Variants in MCC observed in about 807,000 individuals in gnomAD.
The protein encoded by MCC is colorectal mutant cancer protein.
Under a neutral mutation model 116.2 loss-of-function variants are expected in MCC, and 90 were observed. The ratio of observed to expected loss-of-function variants is 0.77; its 90% CI spans 0.65 to 0.92. The LOEUF is 0.92. Ranked by LOEUF, MCC falls within the 40% of genes least tolerant of loss-of-function variation. The probability of loss-of-function intolerance (pLI) is 0.00; values close to 1 mark genes in which losing one functional copy is unlikely to be tolerated. For missense variants in MCC, 1,516 were observed against 1,312.2 expected (o/e 1.16, Z -2.40); for synonymous variants, 578 against 510.5 (o/e 1.13, Z -1.78).
intron 6 of MCC, among the ~76,000 whole-genome samples, chr5:113,105,287 C>T (rs1447748329): frequency 6.6e-6 from 1 of 152,212 alleles, no homozygotes; most frequent in East Asian, 1.9e-4. Flanking sequence ...TTCTCTCCTG[C>T]ATGCTTCTCA....
chr5:113,485,687 A>T (rs1213689749), intron 1 of MCC, among the ~76,000 whole-genome samples: 1 of 152,166 alleles, frequency 6.6e-6, no homozygotes, highest in Non-Finnish European at 1.5e-5. Flanking sequence ...GTAGCTGGGG[A>T]CTGACACCAC....
chr5:113,027,676 C>G (rs1008000992), intron 18 of MCC, among the ~76,000 whole-genome samples, 194 bp from the exon 19 acceptor site: 2 of 151,738 alleles, frequency 1.3e-5, no homozygotes, highest in Non-Finnish European at 2.9e-5. Flanking sequence ...CGGCCAGTCA[C>G]CTACTGGCTT....
intron 6 of MCC, among the ~76,000 whole-genome samples, chr5:113,121,014 G>A (rs1191716298): frequency 6.6e-6 from 1 of 152,140 alleles, no homozygotes; most frequent in African/African-American, 2.4e-5. Context: ...TGCCCTATTG[G>A]CGAATGGCCC....
At chr5:113,205,819 A>C (rs1762891113) in intron 3 of MCC, among the ~76,000 whole-genome samples, 1 of 152,226 alleles carries the variant, frequency 6.6e-6, no homozygotes, top group East Asian at 1.9e-4. Flanking sequence ...CTCCCAAGTA[A>C]GATGACTGAA....
intron 3 of MCC, among the ~76,000 whole-genome samples, chr5:113,155,289 T>C (rs192608269): frequency 6.6e-6 from 1 of 152,370 alleles, no homozygotes; most frequent in Admixed American, 6.5e-5. Context: ...CATCTGCTGA[T>C]GCACACTTAG....
At chr5:113,347,054 C>A (rs1036490342) in intron 2 of MCC, among the ~76,000 whole-genome samples, 1 of 151,942 alleles carries the variant, frequency 6.6e-6, no homozygotes, top group Non-Finnish European at 1.5e-5. Flanking sequence ...GGGATTTCAT[C>A]AACATCAGAC....
In MCC at chr5:113,465,107, G is replaced by T. The variant is rs562571973; in HGVS notation, c.170+23138C>A. Among the ~76,000 whole-genome samples, 316 of 146,126 alleles carry T rather than the reference G, an allele frequency of 2.2e-3. 1 individual carries two copies. In the Middle Eastern group the frequency reaches 0.024, roughly 11 times the overall value. ...GAAAATAGCCAAGATTTTTTTTTTT[G>T]TGGGGCGGAGGGAGACAATGAGGAA... On this transcript the variant is annotated intron_variant, in intron 1 of 18. Coordinates refer to ENST00000408903, the MANE Select transcript of MCC (RefSeq NM_001085377.2).
chr5:113,294,590 C>T, intron 3 of MCC: 1 of 1,240,360 alleles, frequency 8.1e-7, no homozygotes. Flanking sequence ...CACGGACGAG[C>T]CATTGCTGCA....
At chr5:113,307,880 TTAC>T (rs1462529215) in intron 3 of MCC, among the ~76,000 whole-genome samples, 1 of 152,208 alleles carries the variant, frequency 6.6e-6, no homozygotes, top group African/African-American at 2.4e-5. Context: ...AGGTGTCTTC[TTAC>T]TATCTTTCCC....
chr5:113,470,596 C>T (rs6421849), intron 1 of MCC, among the ~76,000 whole-genome samples: 109,734 of 151,854 alleles, frequency 0.72, 40,110 homozygotes, highest in East Asian at 0.88. Context: ...CTGACCTTTC[C>T]CTCTGGCTGC....
intron 1 of MCC, among the ~76,000 whole-genome samples, chr5:113,409,246 A>T (rs1769914001): frequency 6.6e-6 from 1 of 152,186 alleles, no homozygotes; most frequent in African/African-American, 2.4e-5. Flanking sequence ...ATGTACTCTG[A>T]TTTTCATTTC....
At chr5:113,315,201 T>C (rs538660648) in intron 3 of MCC, among the ~76,000 whole-genome samples, 1 of 152,324 alleles carries the variant, frequency 6.6e-6, no homozygotes, top group Admixed American at 6.5e-5. Flanking sequence ...CCCAAATTTA[T>C]CTCTGGTCCT....
Position 113,082,945 on chromosome 5 carries a change from T to C in MCC, c.1699A>G (p.Ile567Val). ...SLQDCSNIQE[I>V]FQTLYSHGSA... is the part of the protein sequence containing the mutation. ...CCGTGTGAGTAGAGTGTTTGGAAAA[T>C]CTCTTGGATATTGGAGCAGTCCTGA... The change falls in exon 11 of 19, where the codon ATT becomes GTT. Residue 567 changes from isoleucine to valine, a missense_variant. Coordinates refer to ENST00000408903, the MANE Select transcript of MCC (RefSeq NM_001085377.2). 2 of 1,614,094 alleles carry C rather than the reference T, an allele frequency of 1.2e-6. No individual in the cohort carries two copies. Among genetic ancestry groups the C allele is most frequent in the Non-Finnish European group, 1.7e-6 (2 of 1,180,006 alleles).
intron 8 of MCC, among the ~76,000 whole-genome samples, chr5:113,096,871 A>G (rs1756058152): frequency 6.6e-6 from 1 of 152,184 alleles, no homozygotes. Context: ...GCCATACAAA[A>G]GAAGAGCCAC....
At position 113,236,817 on chromosome 5, in the gene MCC, G is replaced by A. The variant is rs1052567949; in HGVS notation, c.628-85395C>T. ...TGATCGGATGTTTGTTCAGGGGGAC[G>A]GGGGACAGGCGGGGTGGCTACACTT... On this transcript the variant is annotated intron_variant, in intron 3 of 18. Coordinates refer to ENST00000408903, the MANE Select transcript of MCC (RefSeq NM_001085377.2). 8.5e-5 allele frequency among the ~76,000 whole-genome samples: 13 copies of A among 152,242 alleles called. 1 individual carries two copies. The highest frequency in any genetic ancestry group is 5.2e-4 in the Admixed American group (8 of 15,292).
At chr5:113,120,754 T>G (rs370464912) in intron 6 of MCC, among the ~76,000 whole-genome samples, 1 of 152,204 alleles carries the variant, frequency 6.6e-6, no homozygotes, top group Admixed American at 6.5e-5. Flanking sequence ...AAGATACAAA[T>G]GGGGCAATGA....
intron 3 of MCC, among the ~76,000 whole-genome samples, chr5:113,226,101 G>T (rs367599656): frequency 6.6e-6 from 1 of 152,224 alleles, no homozygotes; most frequent in African/African-American, 2.4e-5. Context: ...GCTTGAACCC[G>T]CAAGGCGAAG....
chr5:113,140,313 G>A lies in MCC; in HGVS notation c.884+2905C>T, dbSNP rs926958378. ...TAGGACTTGCTTTATTAGATGAGGA[G>A]GGAGAATTGTTTCTGTAGGAGGGAG... On this transcript the variant is annotated intron_variant, in intron 5 of 18. Transcript: ENST00000408903. Among the ~76,000 whole-genome samples, 71 of 152,166 alleles carry A rather than the reference G, an allele frequency of 4.7e-4. 1 individual carries two copies. The highest frequency in any genetic ancestry group is 4.6e-3 in the Admixed American group (70 of 15,278).
intron 1 of MCC, among the ~76,000 whole-genome samples, chr5:113,414,881 T>C: frequency 6.6e-6 from 1 of 152,172 alleles, no homozygotes; most frequent in East Asian, 1.9e-4. Context: ...TTACAGTTTG[T>C]CATGTTTTTG....
Sources: allele counts gnomAD v4.1 joint callset (sites outside exome capture counted in the v4.1 genomes callset), GRCh38; gene constraint gnomAD v4.1.1; transcripts MANE v1.5; gene names NCBI Gene and HGNC (gene_info 2026-07-23, HGNC 2026-07-21).